The following GMDS variants were observed in gnomAD, a reference collection of about 807,000 sequenced individuals.
GMDS encodes the protein GDP-mannose 4,6 dehydratase.
GMDS carries 20 observed loss-of-function variants against 49.9 expected under a neutral mutation model. The ratio of observed to expected loss-of-function variants is 0.40; its 90% CI spans 0.28 to 0.58. The LOEUF is 0.58. GMDS is among the 20% of genes least tolerant of loss of function. The probability of loss-of-function intolerance (pLI) is 0.42; values close to 1 mark genes in which losing one functional copy is unlikely to be tolerated. For missense variants in GMDS, 362 were observed against 481.4 expected, an observed-to-expected ratio of 0.75 and a Z score of 2.32; for synonymous variants, 177 against 178.6, an observed-to-expected ratio of 0.99 and a Z score of 0.07.
At chr6:2,148,503 C>T (rs1010001172) in intron 1 of GMDS, among the ~76,000 whole-genome samples, 4 of 152,182 alleles carry the variant, frequency 2.6e-5, no homozygotes, top group Non-Finnish European at 4.4e-5. Context: ...TCACTGAAAC[C>T]TTCACGTCCT....
rs149112280 is a variant in GMDS, at chr6:1,960,566, C to T, written c.538+208G>A. On this transcript the variant is annotated intron_variant, in intron 5 of 10. Coordinates refer to ENST00000380815, the MANE Select transcript of GMDS (RefSeq NM_001500.4). ...GTGAAGTGAGGTGGTAATTTCACCC[C>T]GAAGGCAATGGCAGCAAATACTTGT... Among the ~76,000 whole-genome samples the T allele has an allele frequency of 4.9e-3, 744 of 152,220 alleles. 7 individuals carry two copies. Among genetic ancestry groups the T allele is most frequent in the African/African-American group, 0.017 (715 of 41,534 alleles).
At chr6:1,707,342 A>G (rs987831745) in intron 9 of GMDS, among the ~76,000 whole-genome samples, 4 of 152,214 alleles carry the variant, frequency 2.6e-5, no homozygotes, top group Admixed American at 2.0e-4. Flanking sequence ...CTGTTGATCC[A>G]TCTATCTATG....
rs1221836260 is a variant in GMDS, at chr6:2,094,107, C to G, written c.345+21664G>C. On this transcript the variant is annotated intron_variant, in intron 4 of 10. Coordinates refer to ENST00000380815, the MANE Select transcript of GMDS (RefSeq NM_001500.4). Reference sequence around the variant, plus strand: ...GACCACTCCCAAGGGAGCTGAAGACCAATGTCGATAAGATTCTACTGGACA... The same window carrying G: ...GACCACTCCCAAGGGAGCTGAAGACGAATGTCGATAAGATTCTACTGGACA... Among the ~76,000 whole-genome samples the G allele has an allele frequency of 2.0e-5, 3 of 152,260 alleles. No homozygotes were observed. In the East Asian group the frequency reaches 5.8e-4, roughly 29 times the overall value.
At chr6:1,942,375 G>C (rs1581396743) in intron 6 of GMDS, among the ~76,000 whole-genome samples, 1 of 152,122 alleles carries the variant, frequency 6.6e-6, no homozygotes, top group Admixed American at 6.5e-5. Flanking sequence ...AGCATGCTTT[G>C]GTGCTCTTTC....
chr6:1,868,718 G>A (rs1057412911), intron 7 of GMDS, among the ~76,000 whole-genome samples: 4 of 151,350 alleles, frequency 2.6e-5, no homozygotes, highest in African/African-American at 9.7e-5. Flanking sequence ...GTGCTGCAAA[G>A]GTTACAAGTA....
At chr6:1,964,296 T>C (rs1221740283) in intron 4 of GMDS, among the ~76,000 whole-genome samples, 2 of 152,234 alleles carry the variant, frequency 1.3e-5, no homozygotes, top group Admixed American at 1.3e-4. Flanking sequence ...TTGTGAGTTT[T>C]TTCTCTTTCC....
intron 9 of GMDS, among the ~76,000 whole-genome samples, chr6:1,647,577 C>T (rs369273269): frequency 1.3e-5 from 2 of 152,298 alleles, no homozygotes; most frequent in African/African-American, 4.8e-5. Context: ...AACAGGGTGG[C>T]TAATGAACAA....
At chr6:1,677,774 C>T (rs1471089537) in intron 9 of GMDS, among the ~76,000 whole-genome samples, 2 of 128,704 alleles carry the variant, frequency 1.6e-5, no homozygotes, top group East Asian at 2.3e-4. Context: ...GGGTGCGGAA[C>T]ATCACACACC....
intron 4 of GMDS, among the ~76,000 whole-genome samples, chr6:2,044,617 G>C (rs1017993668): frequency 6.6e-6 from 1 of 152,102 alleles, no homozygotes; most frequent in Non-Finnish European, 1.5e-5. Context: ...ATGGGTACTA[G>C]GCTTAATACC....
At chr6:1,664,713 G>A (rs1764186665) in intron 9 of GMDS, among the ~76,000 whole-genome samples, 1 of 152,194 alleles carries the variant, frequency 6.6e-6, no homozygotes, top group Non-Finnish European at 1.5e-5. Flanking sequence ...CTAACAGGGG[G>A]CAATGCTAAT....
intron 1 of GMDS, among the ~76,000 whole-genome samples, chr6:2,174,279 A>C (rs28539054): frequency 6.6e-6 from 1 of 152,200 alleles, no homozygotes; most frequent in Non-Finnish European, 1.5e-5. Flanking sequence ...ACTTTTTAAA[A>C]AGGATAAGAG....
At chr6:1,747,466 ACACACACGCTCATGCGTGTGCGCG>A (rs70989201) in intron 7 of GMDS, among the ~76,000 whole-genome samples, 3,595 of 11,694 alleles carry the variant, frequency 0.31, 63 homozygotes, top group Middle Eastern at 0.46. Flanking sequence ...AACTACACAC[ACACACACGCTCATGCGTGTGCGCG>A]CACACACACA....
At chr6:1,942,511 G>A (rs1485553989) in intron 6 of GMDS, among the ~76,000 whole-genome samples, 4 of 152,192 alleles carry the variant, frequency 2.6e-5, no homozygotes, top group Non-Finnish European at 5.9e-5. Flanking sequence ...GACTGGTTGA[G>A]GGAGTGGAAA....
intron 6 of GMDS, among the ~76,000 whole-genome samples, chr6:1,934,615 C>A (rs907173645): frequency 1.3e-5 from 2 of 152,110 alleles, no homozygotes; most frequent in African/African-American, 2.4e-5. Flanking sequence ...TGTTCCTAAA[C>A]ACTTTATTCT....
chr6:1,652,383 ATATATATAT>A (rs1763682248), intron 9 of GMDS, among the ~76,000 whole-genome samples: 3 of 8,842 alleles, frequency 3.4e-4, no homozygotes, highest in Non-Finnish European at 5.2e-4. Context: ...AAAAAAAAAT[ATATATATAT>A]TATATATATA....
intron 7 of GMDS, among the ~76,000 whole-genome samples, chr6:1,792,898 T>C (rs1485965189): frequency 6.6e-6 from 1 of 152,358 alleles, no homozygotes; most frequent in South Asian, 2.1e-4. Context: ...GTTCATCCAC[T>C]GAGCTGGACA....
At chr6:2,055,491 G>A (rs1770726504) in intron 4 of GMDS, among the ~76,000 whole-genome samples, 2 of 152,114 alleles carry the variant, frequency 1.3e-5, no homozygotes, top group African/African-American at 4.8e-5. Flanking sequence ...TTACTATCAT[G>A]TCTGGCCATG....
At chr6:1,753,022 G>C (rs962474379) in intron 7 of GMDS, among the ~76,000 whole-genome samples, 3 of 152,038 alleles carry the variant, frequency 2.0e-5, no homozygotes, top group African/African-American at 7.2e-5. Context: ...AGGATCAAAT[G>C]TACACATAAC....
At chr6:2,176,549 A>C (rs1191162987) in intron 1 of GMDS, among the ~76,000 whole-genome samples, 1 of 152,178 alleles carries the variant, frequency 6.6e-6, no homozygotes, top group Non-Finnish European at 1.5e-5. Flanking sequence ...AAGCAGAGCA[A>C]AGCTCATAGA....
Sources: allele counts gnomAD v4.1 joint callset (sites outside exome capture counted in the v4.1 genomes callset), GRCh38; gene constraint gnomAD v4.1.1; transcripts MANE v1.5; gene names NCBI Gene and HGNC (gene_info 2026-07-23, HGNC 2026-07-21).